The following POU2F1 variants were observed in gnomAD, a reference collection of about 807,000 sequenced individuals.
POU2F1 encodes the protein POU domain, class 2, transcription factor 1.
A neutral mutation model predicts 84.9 loss-of-function variants in POU2F1; 16 were observed. The observed-to-expected ratio is 0.19, with a 90% confidence interval of 0.13 to 0.29. The LOEUF is 0.29. Among genes scored for constraint, POU2F1 ranks in the 10% least tolerant of loss-of-function variants. The probability of loss-of-function intolerance (pLI) is 1.00; values close to 1 mark genes in which losing one functional copy is unlikely to be tolerated. For missense variants in POU2F1, 738 were observed against 942.6 expected (o/e 0.78, Z 2.84); for synonymous variants, 368 against 368.3 (o/e 1.00, Z 0.01).
In POU2F1 at chr1:167,416,936, G is replaced by C. The variant is rs1650352854; in HGVS notation, c.*1126G>C. The C allele has an allele frequency of 6.6e-6, 1 of 151,940 alleles. No individual in the cohort carries two copies. Among genetic ancestry groups the C allele is most frequent in the Admixed American group, 6.6e-5 (1 of 15,258 alleles). The allele number at this position is 151,940 out of a possible 1,614,324, so 9.4% of individuals were successfully genotyped here. On this transcript the variant is annotated 3_prime_UTR_variant, in exon 16 of 16. Transcript: ENST00000367866. ...TCTCCTGAAAAATGCTCCTGCTGTTGGTGTGTTTGTTTGTTTGTTCCATTT... is the reference window on the plus strand; with the variant it reads ...TCTCCTGAAAAATGCTCCTGCTGTTCGTGTGTTTGTTTGTTTGTTCCATTT...
chr1:167,344,425 A>C (rs1206514766), intron 2 of POU2F1, among the ~76,000 whole-genome samples: 1 of 152,190 alleles, frequency 6.6e-6, no homozygotes, highest in Non-Finnish European at 1.5e-5. Flanking sequence ...TGTGGTTAAG[A>C]AAGTGAATGG....
At chr1:167,386,270 C>G (rs576773683) in intron 8 of POU2F1, among the ~76,000 whole-genome samples, 71 of 152,274 alleles carry the variant, frequency 4.7e-4, no homozygotes, top group Non-Finnish European at 8.8e-4. Context: ...ACAGCCCACT[C>G]TAGCAGCCTG....
chr1:167,286,853 A>G (rs897935819), intron 1 of POU2F1, among the ~76,000 whole-genome samples: 1 of 152,214 alleles, frequency 6.6e-6, no homozygotes, highest in South Asian at 2.1e-4. Context: ...TGAAATGTCT[A>G]CAAATGTCCA....
At position 167,384,059 on chromosome 1, in the gene POU2F1, G is replaced by A. The variant is rs1053635958; in HGVS notation, c.813+108G>A. The A allele has an allele frequency of 7.3e-5, 65 of 889,332 alleles. 1 individual carries two copies. The highest frequency in any genetic ancestry group is 5.8e-4 in the African/African-American group (34 of 58,360). 55.1% of individuals were successfully genotyped at this position (889,332 alleles called of 1,614,324 possible). Reference sequence around the variant, plus strand: ...ATCTAATAAAAATAATTCGGTCTTCGAAAACTGACCAGAAAATCAAAGCTA... The same window carrying A: ...ATCTAATAAAAATAATTCGGTCTTCAAAAACTGACCAGAAAATCAAAGCTA... On this transcript the variant is annotated intron_variant, in intron 8 of 15. Transcript: ENST00000367866.
chr1:167,367,485 A>G (rs918575741), intron 3 of POU2F1, among the ~76,000 whole-genome samples: 4 of 152,182 alleles, frequency 2.6e-5, no homozygotes, highest in African/African-American at 9.7e-5. Context: ...ACCCTGTACA[A>G]TCTAAGACAT....
At chr1:167,244,145 A>G (rs1423873632) in intron 1 of POU2F1, among the ~76,000 whole-genome samples, 2 of 152,242 alleles carry the variant, frequency 1.3e-5, no homozygotes, top group Admixed American at 6.5e-5. Context: ...ATATGGACTC[A>G]GGAACTTTGG....
chr1:167,329,355 A>AGTGT, intron 1 of POU2F1: 1 of 1,533,902 alleles, frequency 6.5e-7, no homozygotes, highest in Non-Finnish European at 8.8e-7. Context: ...ATGGAAATAG[A>AGTGT]GTGTGTCGGG....
intron 2 of POU2F1, among the ~76,000 whole-genome samples, chr1:167,362,777 T>C (rs1486451779): frequency 2.0e-5 from 3 of 152,128 alleles, no homozygotes; most frequent in Non-Finnish European, 4.4e-5. Flanking sequence ...TGGGACCACC[T>C]AGGGGTCGTC....
At chr1:167,378,145 C>G (rs1477568943) in intron 7 of POU2F1, among the ~76,000 whole-genome samples, 1 of 152,232 alleles carries the variant, frequency 6.6e-6, no homozygotes, top group Non-Finnish European at 1.5e-5. Flanking sequence ...AATGGCTTAA[C>G]TAATTTACAT....
chr1:167,281,275 GT>G, intron 1 of POU2F1, among the ~76,000 whole-genome samples: 1 of 152,338 alleles, frequency 6.6e-6, no homozygotes, highest in Non-Finnish European at 1.5e-5. Flanking sequence ...AGCTCTAGGT[GT>G]GATAGAGTTA....
chr1:167,267,203 G>A (rs867250765), intron 1 of POU2F1, among the ~76,000 whole-genome samples: 1 of 151,688 alleles, frequency 6.6e-6, no homozygotes, highest in African/African-American at 2.4e-5. Context: ...TAAATGGGGT[G>A]GGGGGAAGGA....
At chr1:167,408,102 G>A (rs548889957) in intron 13 of POU2F1, among the ~76,000 whole-genome samples, 1 of 152,176 alleles carries the variant, frequency 6.6e-6, no homozygotes, top group African/African-American at 2.4e-5. Context: ...GGAAGATATA[G>A]GAGTGACTAG....
At chr1:167,279,792 A>C (rs1035316291) in intron 1 of POU2F1, among the ~76,000 whole-genome samples, 2 of 152,178 alleles carry the variant, frequency 1.3e-5, no homozygotes, top group Non-Finnish European at 2.9e-5. Flanking sequence ...ATGGAACTTA[A>C]GTTCTGGAAG....
intron 2 of POU2F1, among the ~76,000 whole-genome samples, chr1:167,363,803 A>C (rs1473939478): frequency 6.6e-6 from 1 of 152,258 alleles, no homozygotes; most frequent in Non-Finnish European, 1.5e-5. Context: ...TCAAGGAAAC[A>C]AATAGGGCTC....
intron 1 of POU2F1, among the ~76,000 whole-genome samples, chr1:167,299,262 T>C (rs1654495235): frequency 6.6e-6 from 1 of 151,760 alleles, no homozygotes; most frequent in South Asian, 2.1e-4. Flanking sequence ...GAAAAGTGTA[T>C]CTTGTAGTAT....
intron 1 of POU2F1, among the ~76,000 whole-genome samples, chr1:167,314,995 C>T (rs539378856): frequency 3.3e-5 from 5 of 152,214 alleles, no homozygotes; most frequent in African/African-American, 1.2e-4. Context: ...ACCCCACTCC[C>T]CAGTCTCTGT....
rs1328742759 is a variant in POU2F1 at position 167,352,882 on chromosome 1, A to G, written c.128-12585A>G. On this transcript the variant is annotated intron_variant, in intron 2 of 15. Coordinates refer to ENST00000367866, the MANE Select transcript of POU2F1 (RefSeq NM_002697.4). ...AAATGTGTTTTCGTAGTAAGAAGGT[A>G]TAGATTATTGCTTTTGGGTTAGAGA... is the stretch of plus-strand genomic sequence containing the variant. Among the ~76,000 whole-genome samples, 6 of 152,322 alleles carry G rather than the reference A, an allele frequency of 3.9e-5. No homozygotes were observed. In the East Asian group the frequency reaches 9.6e-4, roughly 24 times the overall value.
chr1:167,385,317 G>A (rs972389861), intron 8 of POU2F1, among the ~76,000 whole-genome samples: 2 of 152,178 alleles, frequency 1.3e-5, no homozygotes, highest in East Asian at 3.9e-4. Flanking sequence ...CTTTTTTGTA[G>A]AAATTTGCAT....
chr1:167,230,744 T>A lies in POU2F1; in HGVS notation c.61+9786T>A, dbSNP rs35398995. Among the ~76,000 whole-genome samples, 1,102 of 152,356 alleles carry A rather than the reference T, an allele frequency of 7.2e-3. 6 individuals carry two copies. The highest frequency in any genetic ancestry group is 0.012 in the South Asian group (57 of 4,826). ...ACACAGTCCTATTTTCTTCTCTAAT[T>A]GATTATGTAAGTAAATCTTGTCCTA... On this transcript the variant is annotated intron_variant, in intron 1 of 15. Transcript: ENST00000367866.
Sources: allele counts gnomAD v4.1 joint callset (sites outside exome capture counted in the v4.1 genomes callset), GRCh38; gene constraint gnomAD v4.1.1; transcripts MANE v1.5; gene names NCBI Gene and HGNC (gene_info 2026-07-23, HGNC 2026-07-21).